ABCA13: variants seen among roughly 807,000 people sequenced by gnomAD.
The protein encoded by ABCA13 is ATP-binding cassette sub-family A member 13.
Under a neutral mutation model 478.7 loss-of-function variants are expected in ABCA13, and 476 were observed. The observed-to-expected ratio is 0.99, with a 90% CI of 0.92 to 1.07. The LOEUF is 1.07. Among genes scored for constraint, ABCA13 ranks in the 50% least tolerant of loss-of-function variants. The probability of loss-of-function intolerance (pLI) is 0.00; values close to 1 mark genes in which losing one functional copy is unlikely to be tolerated. For synonymous variants in ABCA13, 2,252 were observed against 2,158.9 expected, an observed-to-expected ratio of 1.04 and a Z score of -1.20; for missense variants, 6,060 against 5,910.6, an observed-to-expected ratio of 1.03 and a Z score of -0.83.
chr7:48,225,888 ATT>A (rs112378304), intron 5 of ABCA13, among the ~76,000 whole-genome samples: 4 of 151,468 alleles, frequency 2.6e-5, no homozygotes, highest in African/African-American at 9.7e-5. Flanking sequence ...CTGGGGATAG[ATT>A]TTTTTTTCTT....
At chr7:48,342,032 A>C (rs1225613380) in intron 29 of ABCA13, among the ~76,000 whole-genome samples, 1 of 150,604 alleles carries the variant, frequency 6.6e-6, no homozygotes, top group Admixed American at 6.6e-5. Flanking sequence ...TTTCACTCTC[A>C]TTCAGTTAAG....
chr7:48,314,113 T>C, intron 25 of ABCA13, 119 bp from the exon 26 acceptor site: 1 of 1,177,558 alleles, frequency 8.5e-7, no homozygotes, highest in Non-Finnish European at 1.2e-6. Context: ...CATTCCATTC[T>C]TTTGACTTGT....
At chr7:48,266,019 C>A (rs1284239784) in intron 15 of ABCA13, among the ~76,000 whole-genome samples, 2 of 151,542 alleles carry the variant, frequency 1.3e-5, no homozygotes, top group Non-Finnish European at 3.0e-5. Flanking sequence ...GATGATTTTT[C>A]TTTTTAATTT....
rs182559934 is a variant in ABCA13 at position 48,510,936 on chromosome 7, C to G, written c.13525-148C>G. ...ACTCAGATTAAAACAAGCGACTTTC[C>G]AGGACTAATTCCACGGCTACAGAAC... On this transcript the variant is annotated intron_variant, in intron 50 of 61. Coordinates refer to ENST00000435803, the MANE Select transcript of ABCA13 (RefSeq NM_152701.5). 2.1e-4 allele frequency: 133 copies of G among 645,216 alleles called. 1 individual carries two copies. In the African/African-American group the frequency reaches 2.3e-3, roughly 11 times the overall value. 40.0% of individuals were successfully genotyped at this position (645,216 alleles called of 1,614,324 possible). A position where few individuals can be genotyped will look rare whatever the true frequency, so the allele number is the denominator to read the frequency against.
intron 27 of ABCA13, among the ~76,000 whole-genome samples, chr7:48,330,769 C>T (rs1805265323): frequency 1.3e-5 from 2 of 152,014 alleles, no homozygotes; most frequent in South Asian, 4.2e-4. Context: ...ATCCATCCAT[C>T]CATCCATCCA....
At chr7:48,555,203 A>T (rs976549303) in intron 55 of ABCA13, among the ~76,000 whole-genome samples, 3 of 151,890 alleles carry the variant, frequency 2.0e-5, no homozygotes, top group Non-Finnish European at 2.9e-5. Flanking sequence ...ATGATGAATG[A>T]TCTTTTTAAT....
intron 1 of ABCA13, among the ~76,000 whole-genome samples, chr7:48,190,642 C>T (rs1040003750): frequency 6.6e-6 from 1 of 152,022 alleles, no homozygotes; most frequent in African/African-American, 2.4e-5. Context: ...TCACTGGCCC[C>T]AAATAGAAAA....
intron 59 of ABCA13, among the ~76,000 whole-genome samples, chr7:48,642,033 T>TA (rs1341215435): frequency 6.6e-6 from 1 of 152,202 alleles, no homozygotes; most frequent in African/African-American, 2.4e-5. Flanking sequence ...CGTATGCTTT[T>TA]ATGTATATTT....
chr7:48,463,504 G>A (rs114095111), intron 43 of ABCA13, among the ~76,000 whole-genome samples: 2,638 of 152,262 alleles, frequency 0.017, 78 homozygotes, highest in African/African-American at 0.06. Flanking sequence ...GTCTCTGAGG[G>A]CCACACCTCC....
chr7:48,480,838 T>A (rs1014672270), intron 45 of ABCA13, among the ~76,000 whole-genome samples, 198 bp from the exon 46 acceptor site: 4 of 152,274 alleles, frequency 2.6e-5, no homozygotes, highest in Non-Finnish European at 5.9e-5. Context: ...ACTGCATAAG[T>A]CACAGTGGTA....
At chr7:48,341,710 T>C (rs1403344756) in intron 29 of ABCA13, among the ~76,000 whole-genome samples, 1 of 150,758 alleles carries the variant, frequency 6.6e-6, no homozygotes, top group Non-Finnish European at 1.5e-5. Context: ...TCTCTATTGG[T>C]TTTTTCCTTT....
chr7:48,618,361 TCCTAACAG>T (rs1156386433), intron 59 of ABCA13, among the ~76,000 whole-genome samples: 6 of 152,186 alleles, frequency 3.9e-5, no homozygotes, highest in South Asian at 2.1e-4. Context: ...ATTCCCATGC[TCCTAACAG>T]AGCATTAACA....
intron 19 of ABCA13, among the ~76,000 whole-genome samples, chr7:48,285,916 T>C (rs1370290912): frequency 1.3e-5 from 2 of 152,198 alleles, no homozygotes; most frequent in East Asian, 3.8e-4. Context: ...AAAATAAGAT[T>C]AATGAGAAAA....
chr7:48,479,975 T>C (rs1828586780), intron 45 of ABCA13, among the ~76,000 whole-genome samples: 1 of 152,158 alleles, frequency 6.6e-6, no homozygotes, highest in Non-Finnish European at 1.5e-5. Context: ...GGCCCAAATG[T>C]CTCTTAGAAG....
chr7:48,231,437 T>C (rs1347111022), intron 7 of ABCA13, among the ~76,000 whole-genome samples: 1 of 152,168 alleles, frequency 6.6e-6, no homozygotes, highest in East Asian at 1.9e-4. Context: ...TGACATTCAG[T>C]GTGTCTGAGG....
At chr7:48,511,576 AT>A (rs898227524) in intron 51 of ABCA13, among the ~76,000 whole-genome samples, 1 of 152,056 alleles carries the variant, frequency 6.6e-6, no homozygotes, top group African/African-American at 2.4e-5. Flanking sequence ...GCTCTCTGGC[AT>A]TTTTTCTCCT....
intron 44 of ABCA13, among the ~76,000 whole-genome samples, chr7:48,467,345 A>G (rs1826995102): frequency 6.6e-6 from 1 of 152,208 alleles, no homozygotes. Flanking sequence ...CCCAAAGCTG[A>G]AAAGAATGAA....
At chr7:48,226,736 T>C (rs1203639648) in intron 5 of ABCA13, among the ~76,000 whole-genome samples, 1 of 152,166 alleles carries the variant, frequency 6.6e-6, no homozygotes, top group Non-Finnish European at 1.5e-5. Context: ...CACTTAGCCA[T>C]TCTTGGCATA....
At chr7:48,213,084 GTTTA>G (rs1785915479) in intron 3 of ABCA13, among the ~76,000 whole-genome samples, 3 of 151,850 alleles carry the variant, frequency 2.0e-5, no homozygotes, top group Admixed American at 2.0e-4. Context: ...TTTATTTTCA[GTTTA>G]TTTCTTTCTA....
Sources: allele counts gnomAD v4.1 joint callset (sites outside exome capture counted in the v4.1 genomes callset), GRCh38; gene constraint gnomAD v4.1.1; transcripts MANE v1.5; gene names NCBI Gene and HGNC (gene_info 2026-07-23, HGNC 2026-07-21).